Variants in PPM1D observed in about 807,000 individuals in gnomAD.
PPM1D encodes protein phosphatase 1D.
A neutral mutation model predicts 58.3 loss-of-function variants in PPM1D; 52 were observed. The observed-to-expected ratio is 0.89, with a 90% CI of 0.71 to 1.12. PPM1D has a LOEUF of 1.12. PPM1D is among the 50% of genes most tolerant of loss of function. PPM1D has a pLI of 0.00. For synonymous variants in PPM1D, 278 were observed against 285.1 expected (o/e 0.98, Z 0.25); for missense variants, 564 against 777.2 (o/e 0.73, Z 3.26).
chr17:60,604,378 T>C (rs1441116905), intron 1 of PPM1D, among the ~76,000 whole-genome samples: 1 of 152,222 alleles, frequency 6.6e-6, no homozygotes, highest in Non-Finnish European at 1.5e-5. Flanking sequence ...GTTGAAGATG[T>C]ACACCAAATG....
chr17:60,660,455 A>G (rs1456027814), intron 5 of PPM1D, among the ~76,000 whole-genome samples: 2 of 152,120 alleles, frequency 1.3e-5, no homozygotes, highest in Non-Finnish European at 2.9e-5. Context: ...CTATATATAT[A>G]TGTGTTTTTC....
intron 4 of PPM1D, among the ~76,000 whole-genome samples, chr17:60,653,732 T>C (rs1237994506): frequency 6.6e-6 from 1 of 152,248 alleles, no homozygotes; most frequent in African/African-American, 2.4e-5. Context: ...AGTTTTCCTT[T>C]ATAGATCTTT....
chr17:60,615,933 C>T (rs2143640701), intron 1 of PPM1D, among the ~76,000 whole-genome samples: 1 of 152,276 alleles, frequency 6.6e-6, no homozygotes, highest in East Asian at 1.9e-4. Flanking sequence ...CTCAAGCATC[C>T]TCCTGCCTCA....
rs1171424514 is a variant in PPM1D at position 60,623,669 on chromosome 17, T to C, written c.621T>C (p.Phe207=). ...LGIQDDPKDD[F]VRAVEVTQDH... ...TTCAGGATGACCCGAAGGATGACTT[T>C]GTCAGAGCTGTGGAGGTGACACAGG... The change falls in exon 2 of 6, where the codon TTT becomes TTC. Residue 207 remains phenylalanine (F), a synonymous_variant. Coordinates refer to ENST00000305921, the MANE Select transcript of PPM1D (RefSeq NM_003620.4). 6.2e-7 allele frequency: 1 copy of C among 1,614,234 alleles called. No individual in the cohort carries two copies.
At chr17:60,616,985 T>C (rs1242543519) in intron 1 of PPM1D, among the ~76,000 whole-genome samples, 1 of 152,206 alleles carries the variant, frequency 6.6e-6, no homozygotes, top group East Asian at 1.9e-4. Flanking sequence ...TCTTGCTCTG[T>C]CGCCCAGGCT....
At chr17:60,649,071 A>G (rs1436066493) in intron 4 of PPM1D, among the ~76,000 whole-genome samples, 2 of 151,334 alleles carry the variant, frequency 1.3e-5, no homozygotes. Context: ...CATCACCACT[A>G]CTTCTACTAC....
chr17:60,638,198 A>AG (rs764117404), intron 3 of PPM1D, among the ~76,000 whole-genome samples: 1 of 152,226 alleles, frequency 6.6e-6, no homozygotes, highest in Non-Finnish European at 1.5e-5. Flanking sequence ...TTTTGATAAA[A>AG]GGGCTTATAA....
In PPM1D at chr17:60,600,261, A is replaced by G. The variant is rs577443569; in HGVS notation, c.-154A>G. ...CGGCCCAGCTCTCGCGGACAAGTCCAGACATCGCGCGCCCCCCCTTCTCCG... is the reference window on the plus strand; with the variant it reads ...CGGCCCAGCTCTCGCGGACAAGTCCGGACATCGCGCGCCCCCCCTTCTCCG... On this transcript the variant is annotated 5_prime_UTR_variant, in exon 1 of 6. Coordinates refer to ENST00000305921, the MANE Select transcript of PPM1D (RefSeq NM_003620.4). 1.4e-6 allele frequency: 2 copies of G among 1,389,538 alleles called. No individual in the cohort carries two copies. Among genetic ancestry groups the G allele is most frequent in the Non-Finnish European group, 1.9e-6 (2 of 1,057,990 alleles). The allele number at this position is 1,389,538 out of a possible 1,614,324, so 86.1% of individuals were successfully genotyped here.
At chr17:60,602,252 T>G (rs1199109809) in intron 1 of PPM1D, among the ~76,000 whole-genome samples, 1 of 152,178 alleles carries the variant, frequency 6.6e-6, no homozygotes, top group East Asian at 1.9e-4. Context: ...GTGATATCAT[T>G]GACTGCAGGG....
intron 5 of PPM1D, 76 bp from the exon 6 acceptor site, chr17:60,662,919 C>T (rs1318700475): frequency 2.2e-6 from 3 of 1,369,632 alleles, no homozygotes; most frequent in Admixed American, 4.4e-5. Context: ...TCATAAGAAG[C>T]CTAATATCAC....
At chr17:60,645,506 AT>A (rs1268352330) in intron 3 of PPM1D, among the ~76,000 whole-genome samples, 2 of 133,734 alleles carry the variant, frequency 1.5e-5, no homozygotes, top group Non-Finnish European at 3.1e-5. Context: ...GTGTATATAT[AT>A]ATGTGTATAT....
chr17:60,613,700 C>T (rs1432622658), intron 1 of PPM1D, among the ~76,000 whole-genome samples: 2 of 152,246 alleles, frequency 1.3e-5, no homozygotes, highest in Non-Finnish European at 2.9e-5. Context: ...GCAGGCCCTG[C>T]ACTCGGAGCG....
intron 2 of PPM1D, among the ~76,000 whole-genome samples, chr17:60,624,350 A>C (rs2030762852): frequency 6.6e-6 from 1 of 152,210 alleles, no homozygotes; most frequent in African/African-American, 2.4e-5. Flanking sequence ...AAAATTGAGG[A>C]TATGAGGCAA....
intron 2 of PPM1D, among the ~76,000 whole-genome samples, chr17:60,628,990 A>C (rs2030867879): frequency 6.6e-6 from 1 of 152,224 alleles, no homozygotes; most frequent in South Asian, 2.1e-4. Context: ...ACTAGTAGCC[A>C]CTTGAATAAT....
In PPM1D at chr17:60,659,727, G is replaced by A. The variant is rs2031495840; in HGVS notation, c.1260+2886G>A. ...GGGGTAACCTCAATATCACATAACT[G>A]TTTTACGAACATGCAGGCCTTAGCA... On this transcript the variant is annotated intron_variant, in intron 5 of 5. Coordinates refer to ENST00000305921, the MANE Select transcript of PPM1D (RefSeq NM_003620.4). 3.3e-5 allele frequency among the ~76,000 whole-genome samples: 5 copies of A among 152,316 alleles called. No homozygotes were observed. The South Asian group carries it at 1.0e-3, about 32-fold the overall frequency.
At chr17:60,606,546 A>T (rs2030333304) in intron 1 of PPM1D, among the ~76,000 whole-genome samples, 1 of 152,084 alleles carries the variant, frequency 6.6e-6, no homozygotes. Context: ...CCCATATTCT[A>T]ACGCTTGTTA....
intron 2 of PPM1D, among the ~76,000 whole-genome samples, chr17:60,624,898 G>A (rs911521692): frequency 1.3e-5 from 2 of 152,188 alleles, no homozygotes; most frequent in Non-Finnish European, 2.9e-5. Flanking sequence ...CTAGCACTTT[G>A]GGAGACCGAG....
chr17:60,662,167 T>C (rs2031537280), intron 5 of PPM1D, among the ~76,000 whole-genome samples: 1 of 152,038 alleles, frequency 6.6e-6, no homozygotes, highest in Non-Finnish European at 1.5e-5. Context: ...TGGCTAATTT[T>C]TGTATTTTTA....
At chr17:60,650,214 A>C (rs1403874967) in intron 4 of PPM1D, among the ~76,000 whole-genome samples, 1 of 152,226 alleles carries the variant, frequency 6.6e-6, no homozygotes, top group East Asian at 1.9e-4. Context: ...GAAAATTTGC[A>C]GGCTTAATCT....
Sources: allele counts gnomAD v4.1 joint callset (sites outside exome capture counted in the v4.1 genomes callset), GRCh38; gene constraint gnomAD v4.1.1; transcripts MANE v1.5; gene names NCBI Gene and HGNC (gene_info 2026-07-23, HGNC 2026-07-21).